Variants in CD276 observed in about 807,000 individuals in gnomAD.
CD276 encodes the protein CD276 molecule.
In CD276, 34 loss-of-function variants were observed where a neutral mutation model predicts 50.0. The ratio of observed to expected loss-of-function variants is 0.68; its 90% CI spans 0.52 to 0.91. The LOEUF (loss-of-function observed/expected upper bound fraction) is 0.91. CD276 is among the 40% of genes least tolerant of loss of function. The probability of loss-of-function intolerance (pLI) is 0.00; values close to 1 mark genes in which losing one functional copy is unlikely to be tolerated. For missense variants in CD276, 634 were observed against 717.5 expected (o/e 0.88, Z 1.33); for synonymous variants, 275 against 313.0 (o/e 0.88, Z 1.28).
In CD276 at chr15:73,702,263, GA is replaced by G; in HGVS notation, c.89del (p.Glu30GlyfsTer40). ...ALWFCLTGAL[E>X]VQVPEDPVVA... is the part of the protein sequence containing the mutation. Reference sequence around the variant, plus strand: ...ACTCCCCCTACCCCCAGGAGCCCTGGAGGTCCAGGTCCCTGAAGACCCAGTG... The same window carrying G: ...ACTCCCCCTACCCCCAGGAGCCCTGGGGTCCAGGTCCCTGAAGACCCAGTG... On this transcript the variant is annotated frameshift_variant, in exon 3 of 10. Coordinates refer to ENST00000318443, the MANE Select transcript of CD276 (RefSeq NM_001024736.2). LOFTEE classifies it high-confidence loss of function. The G allele has an allele frequency of 6.2e-7, 1 of 1,608,318 alleles. No individual in the cohort carries two copies. The highest frequency in any genetic ancestry group is 2.2e-5 in the East Asian group (1 of 44,758).
At chr15:73,706,914 C>T (rs999704414) in intron 6 of CD276, among the ~76,000 whole-genome samples, 1 of 152,100 alleles carries the variant, frequency 6.6e-6, no homozygotes, top group East Asian at 1.9e-4. Context: ...TGGCTCTGCC[C>T]CCTCCTCTGC....
Position 73,713,147 on chromosome 15 carries a change from GCTGC to G in CD276, c.*194_*197del. 1 of 558,068 alleles carries G rather than the reference GCTGC, an allele frequency of 1.8e-6. No individual in the cohort carries two copies. Among genetic ancestry groups the G allele is most frequent in the Non-Finnish European group, 3.1e-6 (1 of 318,374 alleles). 34.6% of individuals were successfully genotyped at this position (558,068 alleles called of 1,614,324 possible). A position where few individuals can be genotyped will look rare whatever the true frequency, so the allele number is the denominator to read the frequency against. On this transcript the variant is annotated 3_prime_UTR_variant, in exon 10 of 10. Transcript: ENST00000318443. Reference sequence around the variant, plus strand: ...ATGGACATGATTCCCAAGTCATCCTGCTGCCTTTTTTCTTATAGACACAATGAAC... The same window carrying G: ...ATGGACATGATTCCCAAGTCATCCTGCTTTTTTCTTATAGACACAATGAAC...
rs141446768 is a variant in CD276 at position 73,704,258 on chromosome 15, C to T, written c.1155C>T (p.Ser385=). ...ACACGGTGACCATCACGTGCTCCAG[C>T]TACCGGGGCTACCCTGAGGCTGAGG... ...PGDTVTITCS[S]YRGYPEAEVF... Residue 385 remains serine, a synonymous_variant, in exon 6 of 10, where the codon AGC becomes AGT. Coordinates refer to ENST00000318443, the MANE Select transcript of CD276 (RefSeq NM_001024736.2). This position sits in a 1 kb window ranked among gnomAD's most constrained non-coding sequence, Gnocchi z 4.1. The T allele has an allele frequency of 1.2e-3, 1,921 of 1,614,190 alleles. 3 individuals are homozygous for T. Among genetic ancestry groups the T allele is most frequent in the Non-Finnish European group, 1.4e-3 (1,704 of 1,180,044 alleles).
At chr15:73,699,807 A>C in intron 2 of CD276, 89 bp downstream of exon 2, 15 of 1,448,058 alleles carry the variant, frequency 1.0e-5, no homozygotes, top group Non-Finnish European at 1.3e-5. Flanking sequence ...GGGTCCTGCC[A>C]AGCCAGCTCT....
At chr15:73,685,453 TTGTGTGTGTGTGTGTGTGTG>T (rs55859831) in intron 1 of CD276, among the ~76,000 whole-genome samples, 2 of 131,806 alleles carry the variant, frequency 1.5e-5, no homozygotes, top group Non-Finnish European at 3.3e-5. Flanking sequence ...CAAAAAAGAT[TTGTGTGTGTGTGTGTGTGTG>T]TGTGTGTGTG....
In CD276 at chr15:73,704,160, C is replaced by T. The variant is rs577104872; in HGVS notation, c.1073-16C>T. The stretch of plus-strand genomic sequence containing the variant: ...CCATTGCCCTGCCCTTGACCCCTGC[C>T]CTCTGTCACCTCCAGCTCCCTACTC... On this transcript the variant is annotated splice_polypyrimidine_tract_variant and intron_variant, in intron 5 of 9. Coordinates refer to ENST00000318443, the MANE Select transcript of CD276 (RefSeq NM_001024736.2). The surrounding 1 kb of genome is among the most constrained non-coding windows in gnomAD (Gnocchi z 4.1). 41 of 1,606,230 alleles carry T rather than the reference C, an allele frequency of 2.6e-5. No homozygotes were observed. In the South Asian group the frequency reaches 3.8e-4, roughly 15 times the overall value.
At chr15:73,708,576 CGA>C (rs1019845845) in intron 7 of CD276, 103 bp downstream of exon 7, 72 of 1,362,496 alleles carry the variant, frequency 5.3e-5, no homozygotes, top group Non-Finnish European at 6.3e-5. Flanking sequence ...AGTGACAGAA[CGA>C]GTGTGTGTGT....
In CD276 at chr15:73,704,263, G is replaced by T. The variant is rs150186392; in HGVS notation, c.1160G>T (p.Arg387Leu). The T allele has an allele frequency of 1.9e-6, 3 of 1,613,976 alleles. No individual in the cohort carries two copies. In the East Asian group the frequency reaches 6.7e-5, roughly 36 times the overall value. ...DTVTITCSSY[R>L]GYPEAEVFWQ... ...GTGACCATCACGTGCTCCAGCTACCGGGGCTACCCTGAGGCTGAGGTGTTC... is the reference window on the plus strand; with the variant it reads ...GTGACCATCACGTGCTCCAGCTACCTGGGCTACCCTGAGGCTGAGGTGTTC... The change falls in exon 6 of 10, where the codon CGG (arginine) becomes CTG (leucine). Residue 387 changes from arginine to leucine, a missense_variant. By Grantham distance (102) the Arg-to-Leu change is moderately radical. Coordinates refer to ENST00000318443, the MANE Select transcript of CD276 (RefSeq NM_001024736.2). The surrounding 1 kb of genome is among the most constrained non-coding windows in gnomAD (Gnocchi z 4.1).
chr15:73,700,748 T>G (rs1900346295), intron 2 of CD276, among the ~76,000 whole-genome samples: 2 of 152,164 alleles, frequency 1.3e-5, no homozygotes, highest in Admixed American at 1.3e-4. Flanking sequence ...AAACCTTTAA[T>G]GAGTGCTGTA....
Position 73,708,337 on chromosome 15 carries a change from A to C in CD276, c.1370-2A>C. 6.2e-7 allele frequency: 1 copy of C among 1,613,694 alleles called. No homozygotes were observed. The highest frequency in any genetic ancestry group is 1.3e-5 in the African/African-American group (1 of 74,992). On this transcript the variant is annotated splice_acceptor_variant, in intron 6 of 9. Transcript: ENST00000318443. LOFTEE classifies it high-confidence loss of function. ...TCTCACTGTTGCTACTTTTCCTCTC[A>C]GGGCAGCCTATGACATTCCCCCCAG...
At chr15:73,709,753 A>G in intron 8 of CD276, 64 bp downstream of exon 8, 4 of 1,528,622 alleles carry the variant, frequency 2.6e-6, no homozygotes, top group Non-Finnish European at 3.6e-6. Context: ...AGGAGAGAGG[A>G]CTCTAGGATC....
At position 73,704,046 on chromosome 15, in the gene CD276, C is replaced by T. The variant is rs1230499153; in HGVS notation, c.1072+49C>T. 1.9e-6 allele frequency: 3 copies of T among 1,577,864 alleles called. No individual in the cohort carries two copies. The highest frequency in any genetic ancestry group is 2.7e-5 in the African/African-American group (2 of 74,414). The stretch of plus-strand genomic sequence containing the variant: ...TTCCCCTTGGTTCACCCTCCATTCC[C>T]TCTGCAGCCCACCCTCTGCTGCACC... On this transcript the variant is annotated intron_variant, in intron 5 of 9. Coordinates refer to ENST00000318443, the MANE Select transcript of CD276 (RefSeq NM_001024736.2). This position sits in a 1 kb window ranked among gnomAD's most constrained non-coding sequence, Gnocchi z 4.1.
Position 73,702,456 on chromosome 15 carries a change from C to T in CD276, c.281C>T (p.Ala94Val). 3 of 1,613,790 alleles carry T rather than the reference C, an allele frequency of 1.9e-6. No individual in the cohort carries two copies. The highest frequency in any genetic ancestry group is 1.7e-5 in the Admixed American group (1 of 60,034). The change falls in exon 3 of 10, where the codon GCC becomes GTC. Residue 94 changes from alanine (A) to valine (V), a missense_variant. Ala to Val is a moderately conservative substitution (Grantham distance 64). Transcript: ENST00000318443. Reference sequence around the variant, plus strand: ...GGCAGCGCCTATGCCAACCGCACGGCCCTCTTCCCGGACCTGCTGGCACAG... The same window carrying T: ...GGCAGCGCCTATGCCAACCGCACGGTCCTCTTCCCGGACCTGCTGGCACAG... The part of the protein sequence containing the change: ...DQGSAYANRT[A>V]LFPDLLAQGN...
In CD276 at chr15:73,713,415, G is replaced by A. The variant is rs533714457; in HGVS notation, c.*459G>A. ...CCCCGGCCTTGTTTCTCCAATGGCC[G>A]TGATACACTAGTGATCATGTTCAGC... On this transcript the variant is annotated 3_prime_UTR_variant, in exon 10 of 10. Transcript: ENST00000318443. 2.0e-4 allele frequency: 51 copies of A among 253,318 alleles called. No homozygotes were observed. Among genetic ancestry groups the A allele is most frequent in the Admixed American group, 9.2e-4 (16 of 17,368 alleles). 15.7% of individuals were successfully genotyped at this position (253,318 alleles called of 1,614,324 possible). A position where few individuals can be genotyped will look rare whatever the true frequency, so the allele number is the denominator to read the frequency against.
chr15:73,702,119 C>A lies in CD276; in HGVS notation c.80-136C>A, dbSNP rs1022893886. 81 of 690,446 alleles carry A rather than the reference C, an allele frequency of 1.2e-4. No individual in the cohort carries two copies. The African/African-American group carries it at 1.2e-3, about 10-fold the overall frequency. 42.8% of individuals were successfully genotyped at this position (690,446 alleles called of 1,614,324 possible). A position where few individuals can be genotyped will look rare whatever the true frequency, so the allele number is the denominator to read the frequency against. ...TTCTTGACTGAATGAGGTCCTAAGA[C>A]AATAAATTACTTTGGGTCTCAGGCC... On this transcript the variant is annotated intron_variant, in intron 2 of 9. Transcript: ENST00000318443.
Position 73,710,474 on chromosome 15 carries a change from G to A in CD276, c.1547-661G>A, listed in dbSNP as rs559193100. Among the ~76,000 whole-genome samples, 177 of 152,284 alleles carry A rather than the reference G, an allele frequency of 1.2e-3. 1 individual carries two copies. The highest frequency in any genetic ancestry group is 3.7e-3 in the African/African-American group (154 of 41,568). ...TGCCAAGGCACTGGTGCCCATGGCC[G>A]ACTCCCAGGGGATCCTGGGCTGGGA... is the stretch of plus-strand genomic sequence containing the variant. On this transcript the variant is annotated intron_variant, in intron 8 of 9. Transcript: ENST00000318443.
At chr15:73,697,386 G>A (rs367774153) in intron 1 of CD276, among the ~76,000 whole-genome samples, 11 of 151,812 alleles carry the variant, frequency 7.2e-5, no homozygotes, top group African/African-American at 2.4e-4. Flanking sequence ...GGCGGGGGGC[G>A]GGTGTGCCTG....
At chr15:73,691,649 T>G (rs946803887) in intron 1 of CD276, among the ~76,000 whole-genome samples, 3 of 151,982 alleles carry the variant, frequency 2.0e-5, no homozygotes, top group Non-Finnish European at 4.4e-5. Context: ...CCTGCAGGAG[T>G]GCGGAGCCTT....
At position 73,703,978 on chromosome 15, in the gene CD276, C is replaced by G; in HGVS notation, c.1053C>G (p.Ala351=). ...FVSIRDFGSA[A]VSLQVAAPYS... is the part of the protein sequence containing the mutation. ...GCATCCGGGATTTCGGCAGCGCTGCCGTCAGCCTGCAGGTGGCCGGTGAGC... is the reference window on the plus strand; with the variant it reads ...GCATCCGGGATTTCGGCAGCGCTGCGGTCAGCCTGCAGGTGGCCGGTGAGC... The change falls in exon 5 of 10, where the codon GCC becomes GCG. Residue 351 remains alanine (A), a synonymous_variant. Transcript: ENST00000318443. 1.2e-6 allele frequency: 2 copies of G among 1,610,224 alleles called. No individual in the cohort carries two copies. The highest frequency in any genetic ancestry group is 1.7e-6 in the Non-Finnish European group (2 of 1,179,154).
Sources: allele counts gnomAD v4.1 joint callset (sites outside exome capture counted in the v4.1 genomes callset), GRCh38; gene constraint gnomAD v4.1.1; non-coding constraint Gnocchi (gnomAD v3.1); transcripts MANE v1.5; gene names NCBI Gene and HGNC (gene_info 2026-07-23, HGNC 2026-07-21).